The following KDM4B variants were observed in gnomAD, a reference collection of about 807,000 sequenced individuals.
KDM4B encodes lysine demethylase 4B.
KDM4B carries 32 observed loss-of-function variants against 125.2 expected under a neutral mutation model. That is an observed-to-expected ratio of 0.26 (90% CI 0.19 to 0.34). KDM4B has a LOEUF of 0.34. Ranked by LOEUF, KDM4B falls within the 10% of genes least tolerant of loss-of-function variation. KDM4B has a pLI of 1.00. For synonymous variants in KDM4B, 721 were observed against 677.9 expected (o/e 1.06, Z -0.99); for missense variants, 1,190 against 1,577.7 (o/e 0.75, Z 4.16).
intron 9 of KDM4B, among the ~76,000 whole-genome samples, chr19:5,089,088 T>C (rs1015374534): frequency 6.6e-6 from 1 of 152,120 alleles, no homozygotes; most frequent in Non-Finnish European, 1.5e-5. Context: ...CTTTGGAGGA[T>C]GAAAATGCTC....
chr19:5,121,361 G>T (rs1404006772), intron 11 of KDM4B, among the ~76,000 whole-genome samples: 4 of 152,208 alleles, frequency 2.6e-5, no homozygotes, highest in African/African-American at 9.7e-5. Context: ...GCAAGACGAG[G>T]ACAGAAAAGG....
intron 6 of KDM4B, among the ~76,000 whole-genome samples, chr19:5,052,380 G>A (rs2037257585): frequency 6.8e-6 from 1 of 147,046 alleles, no homozygotes; most frequent in African/African-American, 2.5e-5. Flanking sequence ...GGGTGGGGGT[G>A]GGGAGGGTGG....
intron 1 of KDM4B, among the ~76,000 whole-genome samples, chr19:4,969,920 C>A (rs956561481): frequency 1.3e-5 from 2 of 152,042 alleles, no homozygotes; most frequent in African/African-American, 4.8e-5. Context: ...TGCTATGCAA[C>A]GGCAGCCTCC....
At chr19:5,024,420 T>C (rs1056794874) in intron 2 of KDM4B, among the ~76,000 whole-genome samples, 1 of 152,112 alleles carries the variant, frequency 6.6e-6, no homozygotes, top group Non-Finnish European at 1.5e-5. Flanking sequence ...GCCCAGTGTG[T>C]CAGCGATCAG....
intron 11 of KDM4B, among the ~76,000 whole-genome samples, chr19:5,126,845 A>G (rs2039458384): frequency 6.6e-6 from 1 of 152,246 alleles, no homozygotes; most frequent in African/African-American, 2.4e-5. Flanking sequence ...ATGGAAGCCA[A>G]GCACGAAACT....
chr19:4,970,014 G>C (rs1488255372), intron 1 of KDM4B, among the ~76,000 whole-genome samples: 1 of 152,288 alleles, frequency 6.6e-6, no homozygotes, highest in Admixed American at 6.5e-5. Context: ...TTGAGGAGTT[G>C]CTTCCGCCGA....
intron 1 of KDM4B, among the ~76,000 whole-genome samples, chr19:4,976,490 G>A (rs909106092): frequency 1.3e-5 from 2 of 152,322 alleles, no homozygotes; most frequent in African/African-American, 2.4e-5. Context: ...ACGTCGAGCC[G>A]TGTACTCGGC....
At position 5,064,087 on chromosome 19, in the gene KDM4B, A is replaced by G. The variant is rs182534050; in HGVS notation, c.627-6923A>G. Among the ~76,000 whole-genome samples the G allele has an allele frequency of 6.4e-4, 97 of 152,014 alleles. 2 individuals are homozygous for G. In the East Asian group the frequency reaches 0.015, roughly 24 times the overall value. Reference sequence around the variant, plus strand: ...TCTTGCTGGGTCACAGGCCGGGGCCACCATAGGGCTTTGTTGCGAGGGTGG... The same window carrying G: ...TCTTGCTGGGTCACAGGCCGGGGCCGCCATAGGGCTTTGTTGCGAGGGTGG... On this transcript the variant is annotated intron_variant, in intron 6 of 22. Transcript: ENST00000159111.
intron 10 of KDM4B, chr19:5,112,302 G>A (rs1469361218): frequency 6.3e-6 from 1 of 159,950 alleles, no homozygotes; most frequent in African/African-American, 2.4e-5. Context: ...ACTGTTCCTA[G>A]CTTGTGGGTC....
rs1328204126 is a variant in KDM4B at position 5,047,652 on chromosome 19, T to C, written c.609T>C (p.Phe203=). The C allele has an allele frequency of 5.0e-6, 8 of 1,613,774 alleles. No homozygotes were observed. The South Asian group carries it at 7.7e-5, about 16-fold the overall frequency. ...MDLYSINYLH[F]GEPKSWYAIP... is the part of the protein sequence containing the mutation. ...TGTACAGCATCAACTACCTGCACTT[T>C]GGGGAGCCTAAGTCCTGGTGAGTGT... The change falls in exon 6 of 23, where the codon TTT becomes TTC. Residue 203 remains phenylalanine, a synonymous_variant. Transcript: ENST00000159111.
At chr19:5,042,214 A>G (rs972310729) in intron 5 of KDM4B, among the ~76,000 whole-genome samples, 1 of 152,222 alleles carries the variant, frequency 6.6e-6, no homozygotes, top group African/African-American at 2.4e-5. Flanking sequence ...ATAAAGAAAT[A>G]ACTGAGGCTG....
chr19:4,978,763 G>A (rs1253043866), intron 1 of KDM4B, among the ~76,000 whole-genome samples: 2 of 152,170 alleles, frequency 1.3e-5, no homozygotes, highest in East Asian at 1.9e-4. Flanking sequence ...GGGCTGCAGC[G>A]AGCGGGTGTG....
At chr19:5,067,583 G>A (rs1251193444) in intron 6 of KDM4B, among the ~76,000 whole-genome samples, 1 of 150,930 alleles carries the variant, frequency 6.6e-6, no homozygotes, top group East Asian at 2.0e-4. Context: ...TCAGAGGACA[G>A]AGAGCTGGTG....
At chr19:5,089,972 C>T (rs932108436) in intron 9 of KDM4B, among the ~76,000 whole-genome samples, 11 of 152,100 alleles carry the variant, frequency 7.2e-5, no homozygotes, top group African/African-American at 1.7e-4. Context: ...GGTTCAAGAC[C>T]GGCCTGGGCA....
At chr19:5,124,195 G>T (rs2039410810) in intron 11 of KDM4B, among the ~76,000 whole-genome samples, 1 of 134,152 alleles carries the variant, frequency 7.5e-6, no homozygotes, top group Non-Finnish European at 1.6e-5. Flanking sequence ...GCCCACCCAA[G>T]CCCACCCGTT....
At chr19:5,147,090 G>A (rs2039865498) in intron 21 of KDM4B, among the ~76,000 whole-genome samples, 1 of 151,362 alleles carries the variant, frequency 6.6e-6, no homozygotes, top group African/African-American at 2.4e-5. Context: ...AGGTCGGACT[G>A]GACTCCGAGG....
rs574108825 is a variant in KDM4B, at chr19:5,082,190, G to A, written c.781-177G>A. On this transcript the variant is annotated intron_variant, in intron 8 of 22. Transcript: ENST00000159111. This position sits in a 1 kb window ranked among gnomAD's most constrained non-coding sequence, Gnocchi z 5.4. ...CTGCTCACTATGTCCTTCATGAGCC[G>A]CGTGGGAAATGGGCTGGAGCCCTGG... Among the ~76,000 whole-genome samples the A allele has an allele frequency of 3.7e-4, 57 of 152,300 alleles. 1 individual carries two copies. In the South Asian group the frequency reaches 0.011, roughly 30 times the overall value.
Position 4,971,974 on chromosome 19 carries a change from C to T in KDM4B, c.-109+2744C>T, listed in dbSNP as rs1401773414. On this transcript the variant is annotated intron_variant, in intron 1 of 22. Transcript: ENST00000159111. This position sits in a 1 kb window ranked among gnomAD's most constrained non-coding sequence, Gnocchi z 4.1. ...GGGCGGGGGGAGCTCCGCAGGCCTGCACTGGTCACCGCCATGACAGATCGG... is the reference window on the plus strand; with the variant it reads ...GGGCGGGGGGAGCTCCGCAGGCCTGTACTGGTCACCGCCATGACAGATCGG... Among the ~76,000 whole-genome samples, 1 of 152,120 alleles carries T rather than the reference C, an allele frequency of 6.6e-6. No homozygotes were observed. The highest frequency in any genetic ancestry group is 1.5e-5 in the Non-Finnish European group (1 of 68,006).
chr19:5,150,714 C>T (rs984457047), intron 22 of KDM4B, among the ~76,000 whole-genome samples: 1 of 152,182 alleles, frequency 6.6e-6, no homozygotes, highest in East Asian at 1.9e-4. Flanking sequence ...CCGCCCCTCC[C>T]CTTATCACGA....
Sources: allele counts gnomAD v4.1 joint callset (sites outside exome capture counted in the v4.1 genomes callset), GRCh38; gene constraint gnomAD v4.1.1; non-coding constraint Gnocchi (gnomAD v3.1); transcripts MANE v1.5; gene names NCBI Gene and HGNC (gene_info 2026-07-23, HGNC 2026-07-21).